Variants in ST8SIA3 observed in about 807,000 individuals in gnomAD.
The protein encoded by ST8SIA3 is ST8 alpha-N-acetyl-neuraminide alpha-2,8-sialyltransferase 3.
A neutral mutation model predicts 34.5 loss-of-function variants in ST8SIA3; 17 were observed. The observed-to-expected ratio is 0.49, with a 90% CI of 0.34 to 0.74. The LOEUF is 0.74. ST8SIA3 is among the 30% of genes least tolerant of loss of function. The pLI is 0.01. For missense variants in ST8SIA3, 354 were observed against 467.8 expected (o/e 0.76, Z 2.24); for synonymous variants, 172 against 176.1 (o/e 0.98, Z 0.19).
chr18:57,359,572 G>C (rs1318858472), intron 3 of ST8SIA3, among the ~76,000 whole-genome samples: 1 of 142,694 alleles, frequency 7.0e-6, no homozygotes, highest in Non-Finnish European at 1.5e-5. Flanking sequence ...CTTTATGTAA[G>C]AAAAGCACAG....
In ST8SIA3 at chr18:57,360,203, C is replaced by T; in HGVS notation, c.1069C>T (p.Pro357Ser). 2.5e-6 allele frequency: 4 copies of T among 1,614,120 alleles called. No homozygotes were observed. The highest frequency in any genetic ancestry group is 3.4e-6 in the Non-Finnish European group (4 of 1,180,014). ...CAAGTGGCAGGAGTCCCACCAGCTGCCTGCTGAGTTTCAGCTGCTGTACCG... is the reference window on the plus strand; with the variant it reads ...CAAGTGGCAGGAGTCCCACCAGCTGTCTGCTGAGTTTCAGCTGCTGTACCG... ...TTKWQESHQL[P>S]AEFQLLYRMH... The change falls in exon 4 of 4, where the codon CCT (proline) becomes TCT (serine). Residue 357 changes from proline to serine, a missense_variant. Transcript: ENST00000324000.
chr18:57,357,499 T>A (rs751856306), intron 3 of ST8SIA3, 29 bp downstream of exon 3: 1 of 1,542,220 alleles, frequency 6.5e-7, no homozygotes, highest in Non-Finnish European at 8.9e-7. Flanking sequence ...ATTTTACTCA[T>A]ACTCCACCAG....
At position 57,363,542 on chromosome 18, in the gene ST8SIA3, A is replaced by T. The variant is rs1277323667; in HGVS notation, c.*3265A>T. On this transcript the variant is annotated 3_prime_UTR_variant, in exon 4 of 4. Transcript: ENST00000324000. The stretch of plus-strand genomic sequence containing the variant: ...CCTGGCCATGGGGCTACCAGCAAGG[A>T]TGTGCAAAGGAAGAACCGCTGCCCC... The T allele has an allele frequency of 6.6e-6, 1 of 152,260 alleles. No individual in the cohort carries two copies. The highest frequency in any genetic ancestry group is 6.5e-5 in the Admixed American group (1 of 15,272). The allele number at this position is 152,260 out of a possible 1,614,324, so 9.4% of individuals were successfully genotyped here. A position where few individuals can be genotyped will look rare whatever the true frequency, so the allele number is the denominator to read the frequency against.
chr18:57,356,759 G>A (rs537274611), intron 2 of ST8SIA3, among the ~76,000 whole-genome samples, 154 bp from the exon 3 acceptor site: 1 of 152,312 alleles, frequency 6.6e-6, no homozygotes, highest in Admixed American at 6.5e-5. Context: ...TTCTGAAGCA[G>A]TCCTCCCTTC....
At position 57,361,884 on chromosome 18, in the gene ST8SIA3, C is replaced by T. The variant is rs1329556274; in HGVS notation, c.*1607C>T. 6.6e-6 allele frequency: 1 copy of T among 152,176 alleles called. No homozygotes were observed. The highest frequency in any genetic ancestry group is 1.5e-5 in the Non-Finnish European group (1 of 68,028). 9.4% of individuals were successfully genotyped at this position (152,176 alleles called of 1,614,324 possible). ...ACTGTTTAAAAAATGTGCTGTAGTTCAGTGATGAGCTCATTGCCCCTCTTT... is the reference window on the plus strand; with the variant it reads ...ACTGTTTAAAAAATGTGCTGTAGTTTAGTGATGAGCTCATTGCCCCTCTTT... On this transcript the variant is annotated 3_prime_UTR_variant, in exon 4 of 4. Transcript: ENST00000324000.
intron 2 of ST8SIA3, 47 bp from the exon 3 acceptor site, chr18:57,356,866 C>T (rs750318891): frequency 8.1e-7 from 1 of 1,230,338 alleles, no homozygotes; most frequent in South Asian, 1.5e-5. Context: ...GATGGAAAAT[C>T]AGTTCTTCTG....
intron 1 of ST8SIA3, 100 bp downstream of exon 1, chr18:57,353,125 CT>C: frequency 2.5e-6 from 3 of 1,200,708 alleles, no homozygotes; most frequent in Non-Finnish European, 2.4e-6. Context: ...CTCTCCGAGA[CT>C]CTTTGGGCCA....
At position 57,354,509 on chromosome 18, in the gene ST8SIA3, C is replaced by T; in HGVS notation, c.287C>T (p.Ala96Val). ...TCTAAGTGGAAATTTAATCGGACAG[C>T]GTTTTTACATCAAAGGTAGGATAGG... Reference protein sequence around the residue: ...KPSKWKFNRTAFLHQRQEILQ... With the variant: ...KPSKWKFNRTVFLHQRQEILQ... The change falls in exon 2 of 4, where the codon GCG becomes GTG. Residue 96 changes from alanine (A) to valine (V), a missense_variant. Physicochemically the swap from Ala to Val is moderately conservative, Grantham distance 64. This residue lies in a region of ST8SIA3 where 184 missense variants were observed against 205.4 expected (regional missense o/e 0.90). Coordinates refer to ENST00000324000, the MANE Select transcript of ST8SIA3 (RefSeq NM_015879.3). 6.2e-7 allele frequency: 1 copy of T among 1,613,708 alleles called. No homozygotes were observed. Among genetic ancestry groups the T allele is most frequent in the South Asian group, 1.1e-5 (1 of 91,072 alleles).
rs777013797 is a variant in ST8SIA3 at position 57,357,434 on chromosome 18, T to C, written c.824T>C (p.Leu275Pro). ...VEHRGQLKVQ[L>P]AWPGNIMQHV... The stretch of plus-strand genomic sequence containing the variant: ...CACAGAGGTCAGTTAAAAGTCCAAC[T>C]GGCTTGGCCGGGAAATATAATGCAA... Residue 275 changes from leucine (L) to proline (P), a missense_variant, in exon 3 of 4, where the codon CTG (leucine) becomes CCG (proline). Leu to Pro is a moderately conservative substitution (Grantham distance 98, BLOSUM62 -3). Transcript: ENST00000324000. The C allele has an allele frequency of 6.2e-7, 1 of 1,612,704 alleles. No individual in the cohort carries two copies. Among genetic ancestry groups the C allele is most frequent in the Admixed American group, 1.7e-5 (1 of 60,002 alleles).
rs2144214743 is a variant in ST8SIA3, at chr18:57,367,102, A to G, written c.*6825A>G. ...CTGGGAAAAAATATGCCTAATTCCT[A>G]GGACACAGTGAGTGGCCGTAAGTTG... On this transcript the variant is annotated 3_prime_UTR_variant, in exon 4 of 4. Coordinates refer to ENST00000324000, the MANE Select transcript of ST8SIA3 (RefSeq NM_015879.3). 6.6e-6 allele frequency: 1 copy of G among 152,354 alleles called. No homozygotes were observed. Among genetic ancestry groups the G allele is most frequent in the East Asian group, 1.9e-4 (1 of 5,188 alleles). 9.4% of individuals were successfully genotyped at this position (152,354 alleles called of 1,614,324 possible).
Position 57,356,901 on chromosome 18 carries a change from T to C in ST8SIA3, c.303-12T>C. 1 of 1,537,696 alleles carries C rather than the reference T, an allele frequency of 6.5e-7. No homozygotes were observed. ...GAATGGAATGCTTTTCATGAATTTCTTTTTATTTTAGGCAAGAAATTCTTC... is the reference window on the plus strand; with the variant it reads ...GAATGGAATGCTTTTCATGAATTTCCTTTTATTTTAGGCAAGAAATTCTTC... On this transcript the variant is annotated splice_polypyrimidine_tract_variant and intron_variant, in intron 2 of 3. Transcript: ENST00000324000.
rs1034030398 is a variant in ST8SIA3, at chr18:57,367,484, C to A, written c.*7207C>A. On this transcript the variant is annotated 3_prime_UTR_variant, in exon 4 of 4. Coordinates refer to ENST00000324000, the MANE Select transcript of ST8SIA3 (RefSeq NM_015879.3). ...CACCAAACAGAGAAGTCCACAGCTA[C>A]AAGCACAAGGGGCTTGACAGGTAGG... The A allele has an allele frequency of 6.5e-6, 1 of 152,744 alleles. No homozygotes were observed. Among genetic ancestry groups the A allele is most frequent in the African/African-American group, 2.4e-5 (1 of 41,562 alleles). 9.5% of individuals were successfully genotyped at this position (152,744 alleles called of 1,614,324 possible).
chr18:57,359,180 G>A (rs1339539073), intron 3 of ST8SIA3, among the ~76,000 whole-genome samples: 1 of 152,174 alleles, frequency 6.6e-6, no homozygotes, highest in African/African-American at 2.4e-5. Context: ...CATTCTGCCT[G>A]CATCTCCAAT....
At chr18:57,355,647 A>G (rs1271544939) in intron 2 of ST8SIA3, among the ~76,000 whole-genome samples, 2 of 152,138 alleles carry the variant, frequency 1.3e-5, no homozygotes, top group African/African-American at 4.8e-5. Flanking sequence ...TTTATGGACA[A>G]CCCAGAACGT....
At chr18:57,355,615 T>G (rs1380851048) in intron 2 of ST8SIA3, among the ~76,000 whole-genome samples, 1 of 152,108 alleles carries the variant, frequency 6.6e-6, no homozygotes, top group Non-Finnish European at 1.5e-5. Flanking sequence ...TTTTAATAAT[T>G]GGGTTTTAAT....
Position 57,365,004 on chromosome 18 carries a change from G to C in ST8SIA3, c.*4727G>C, listed in dbSNP as rs1248343931. ...AGTTGTTGCAGAGTAACTGACTTCAGTTTAAGGTTACCCTGGGGTTCTGGG... is the reference window on the plus strand; with the variant it reads ...AGTTGTTGCAGAGTAACTGACTTCACTTTAAGGTTACCCTGGGGTTCTGGG... On this transcript the variant is annotated 3_prime_UTR_variant, in exon 4 of 4. Transcript: ENST00000324000. The C allele has an allele frequency of 6.6e-6, 1 of 152,160 alleles. No homozygotes were observed. Among genetic ancestry groups the C allele is most frequent in the Non-Finnish European group, 1.5e-5 (1 of 68,024 alleles). 9.4% of individuals were successfully genotyped at this position (152,160 alleles called of 1,614,324 possible). A position where few individuals can be genotyped will look rare whatever the true frequency, so the allele number is the denominator to read the frequency against.
intron 2 of ST8SIA3, among the ~76,000 whole-genome samples, chr18:57,355,397 C>T (rs1053863921): frequency 1.3e-5 from 2 of 152,122 alleles, no homozygotes; most frequent in Non-Finnish European, 2.9e-5. Flanking sequence ...TTGATCTTAG[C>T]ATTTCTAGTT....
Position 57,363,732 on chromosome 18 carries a change from A to C in ST8SIA3, c.*3455A>C, listed in dbSNP as rs2049845507. The C allele has an allele frequency of 1.3e-5, 2 of 152,218 alleles. No individual in the cohort carries two copies. The highest frequency in any genetic ancestry group is 2.4e-5 in the African/African-American group (1 of 41,456). 9.4% of individuals were successfully genotyped at this position (152,218 alleles called of 1,614,324 possible). ...CAGACAACAAAGCGGTATTGACCTG[A>C]GATCAAAGGAAGCAGGGACAATATT... is the stretch of plus-strand genomic sequence containing the variant. On this transcript the variant is annotated 3_prime_UTR_variant, in exon 4 of 4. Coordinates refer to ENST00000324000, the MANE Select transcript of ST8SIA3 (RefSeq NM_015879.3).
chr18:57,356,334 A>G (rs2049797383), intron 2 of ST8SIA3, among the ~76,000 whole-genome samples: 1 of 152,200 alleles, frequency 6.6e-6, no homozygotes, highest in East Asian at 1.9e-4. Context: ...AAAGGACCTT[A>G]ATGAGATTAT....
Sources: gnomAD v4.1 joint callset for allele counts (sites outside exome capture counted in the v4.1 genomes callset) on GRCh38, gnomAD v4.1.1 for gene constraint, gnomAD v4.1.1 regional missense constraint, MANE v1.5 for transcripts, NCBI Gene and HGNC (gene_info 2026-07-23, HGNC 2026-07-21) for gene names.